Variants in ARRDC3 observed in about 807,000 individuals in gnomAD.
The protein encoded by ARRDC3 is arrestin domain-containing protein 3.
In ARRDC3, 10 loss-of-function variants were observed where a neutral mutation model predicts 47.2. That is an observed-to-expected ratio of 0.21 (90% confidence interval 0.13 to 0.36). The LOEUF (loss-of-function observed/expected upper bound fraction) is 0.36. Ranked by LOEUF, ARRDC3 falls within the 10% of genes least tolerant of loss-of-function variation. The pLI is 1.00. For synonymous variants in ARRDC3, 156 were observed against 178.3 expected, an observed-to-expected ratio of 0.87 and a Z score of 1.00; for missense variants, 381 against 503.6, an observed-to-expected ratio of 0.76 and a Z score of 2.33.
rs1295928673 is a variant in ARRDC3 at position 91,375,753 on chromosome 5, C to G, written c.511-140G>C. On this transcript the variant is annotated intron_variant, in intron 3 of 7. Transcript: ENST00000265138. ...TGCTTTTTTTTTGTATCCAGACATA[C>G]TTCTTATTTTTTAACTAACCGATGG... The G allele has an allele frequency of 2.1e-5, 10 of 472,014 alleles. 1 individual carries two copies. Among genetic ancestry groups the G allele is most frequent in the African/African-American group, 1.2e-4 (6 of 49,268 alleles). 29.2% of individuals were successfully genotyped at this position (472,014 alleles called of 1,614,324 possible).
rs887657627 is a variant in ARRDC3, at chr5:91,371,233, C to A, written c.*167G>T. 5.0e-6 allele frequency: 3 copies of A among 605,328 alleles called. No homozygotes were observed. Among genetic ancestry groups the A allele is most frequent in the Admixed American group, 6.2e-5 (2 of 32,166 alleles). 37.5% of individuals were successfully genotyped at this position (605,328 alleles called of 1,614,324 possible). ...ATGTTGGAGCAGTCTCAGAATGTTG[C>A]TGTAGGCTTCTAAAGCATGATCACT... On this transcript the variant is annotated 3_prime_UTR_variant, in exon 8 of 8. Transcript: ENST00000265138.
At chr5:91,375,793 A>G (rs201733319) in intron 3 of ARRDC3, among the ~76,000 whole-genome samples, 180 bp from the exon 4 acceptor site, 3 of 152,142 alleles carry the variant, frequency 2.0e-5, no homozygotes, top group Non-Finnish European at 4.4e-5. Context: ...GAATTATACC[A>G]TTACTTTTAT....
chr5:91,373,830 T>G lies in ARRDC3; in HGVS notation c.1042A>C (p.Ser348Arg), dbSNP rs749449320. ...TCCTCTGTTACCACTTCTGCATAGC[T>G]GGGTGGTGCTGAAGGAAAAAGATAC... ...SLPERPEAPPSYAEVVTEEQR... is the reference protein window; with the variant it reads ...SLPERPEAPPRYAEVVTEEQR... The change falls in exon 7 of 8, where the codon AGC becomes CGC. Residue 348 changes from serine to arginine, a missense_variant. Physicochemically the swap from Ser to Arg is moderately radical, Grantham distance 110. Transcript: ENST00000265138. 5.7e-5 allele frequency: 92 copies of G among 1,613,888 alleles called. No homozygotes were observed. The highest frequency in any genetic ancestry group is 7.6e-6 in the Non-Finnish European group (9 of 1,179,934).
rs1799138438 is a variant in ARRDC3 at position 91,370,243 on chromosome 5, C to A, written c.*1157G>T. 6.6e-6 allele frequency: 1 copy of A among 152,536 alleles called. No homozygotes were observed. Among genetic ancestry groups the A allele is most frequent in the African/African-American group, 2.4e-5 (1 of 41,434 alleles). The allele number at this position is 152,536 out of a possible 1,614,324, so 9.4% of individuals were successfully genotyped here. ...GTAACTCTGTATAAAAATAAATGCA[C>A]TTTTCCCTCCTTTCCCCAGTGAATG... On this transcript the variant is annotated 3_prime_UTR_variant, in exon 8 of 8. Coordinates refer to ENST00000265138, the MANE Select transcript of ARRDC3 (RefSeq NM_020801.4).
chr5:91,378,552 T>C, intron 2 of ARRDC3, 142 bp downstream of exon 2: 1 of 566,136 alleles, frequency 1.8e-6, no homozygotes, highest in South Asian at 2.5e-5. Flanking sequence ...TTATGTTTAA[T>C]ATATTGTTTT....
chr5:91,375,502 C>T lies in ARRDC3; in HGVS notation c.613+9G>A. ...AAAAGTTTTTTGTGGGAATCTACCT[C>T]TTACATACCTGGGGTATAGCCCTTC... On this transcript the variant is annotated intron_variant, in intron 4 of 7. Coordinates refer to ENST00000265138, the MANE Select transcript of ARRDC3 (RefSeq NM_020801.4). 1 of 1,586,828 alleles carries T rather than the reference C, an allele frequency of 6.3e-7. No homozygotes were observed. Among genetic ancestry groups the T allele is most frequent in the Non-Finnish European group, 8.6e-7 (1 of 1,165,358 alleles).
chr5:91,381,032 G>A (rs1582378486), intron 1 of ARRDC3: 1 of 146,754 alleles, frequency 6.8e-6, no homozygotes, highest in East Asian at 2.2e-4. Flanking sequence ...CCACCCGCCC[G>A]CGCCCAATCC....
Position 91,383,235 on chromosome 5 carries a change from T to A in ARRDC3, c.-143A>T. 1.3e-6 allele frequency: 1 copy of A among 759,784 alleles called. No homozygotes were observed. The highest frequency in any genetic ancestry group is 2.0e-6 in the Non-Finnish European group (1 of 492,810). 47.1% of individuals were successfully genotyped at this position (759,784 alleles called of 1,614,324 possible). On this transcript the variant is annotated 5_prime_UTR_variant, in exon 1 of 8. Coordinates refer to ENST00000265138, the MANE Select transcript of ARRDC3 (RefSeq NM_020801.4). Reference sequence around the variant, plus strand: ...GGATCAGTGATTCTCTACAAATAGTTCATTGAGATTTCTTAAAAAGTCAGG... The same window carrying A: ...GGATCAGTGATTCTCTACAAATAGTACATTGAGATTTCTTAAAAAGTCAGG...
chr5:91,373,919 C>T lies in ARRDC3; in HGVS notation c.1034-81G>A, dbSNP rs180767729. The T allele has an allele frequency of 1.2e-5, 18 of 1,561,160 alleles. No individual in the cohort carries two copies. In the Middle Eastern group the frequency reaches 5.2e-4, roughly 45 times the overall value. On this transcript the variant is annotated intron_variant, in intron 6 of 7. Coordinates refer to ENST00000265138, the MANE Select transcript of ARRDC3 (RefSeq NM_020801.4). ...ACACAGAATAGTAGGTATTAAAAAG[C>T]AACGTCAAGGTAAAATAATTATTGT...
In ARRDC3 at chr5:91,373,706, A is replaced by G; in HGVS notation, c.1166T>C (p.Leu389Ser). The G allele has an allele frequency of 6.2e-7, 1 of 1,613,902 alleles. No individual in the cohort carries two copies. Among genetic ancestry groups the G allele is most frequent in the Non-Finnish European group, 8.5e-7 (1 of 1,179,836 alleles). ...TACCTCTGAATAAAGAGGTGGAGGC[A>G]AGAATCGAAACTCCTGGATATATGC... ...LFAYIQEFRF[L>S]PPPLYSEIDP... is the part of the protein sequence containing the mutation. Residue 389 changes from leucine to serine, a missense_variant, in exon 7 of 8, where the codon TTG becomes TCG. By Grantham distance (145) the Leu-to-Ser change is moderately radical (BLOSUM62 -2). Coordinates refer to ENST00000265138, the MANE Select transcript of ARRDC3 (RefSeq NM_020801.4).
rs928337273 is a variant in ARRDC3 at position 91,382,849 on chromosome 5, A to G, written c.244T>C (p.Phe82Leu). 1.1e-5 allele frequency: 17 copies of G among 1,614,112 alleles called. No homozygotes were observed. The highest frequency in any genetic ancestry group is 1.4e-5 in the Non-Finnish European group (17 of 1,180,012). The change falls in exon 1 of 8, where the codon TTC (phenylalanine) becomes CTC (leucine). Residue 82 changes from phenylalanine (F) to leucine (L), a missense_variant. By Grantham distance (22) the Phe-to-Leu change is conservative. Coordinates refer to ENST00000265138, the MANE Select transcript of ARRDC3 (RefSeq NM_020801.4). ...TQNYTEEVEY[F>L]NHKDILIGHE... ...CCAATTAAGATGTCTTTATGGTTGA[A>G]ATACTCTACTTCTTCAGTGTAATTC...
Position 91,371,068 on chromosome 5 carries a change from G to C in ARRDC3, c.*332C>G, listed in dbSNP as rs952155786. Reference sequence around the variant, plus strand: ...CGTCGAACCGCACAATGTAAGCATTGAGCATGTGCAAATTTTCAAATCAAA... The same window carrying C: ...CGTCGAACCGCACAATGTAAGCATTCAGCATGTGCAAATTTTCAAATCAAA... On this transcript the variant is annotated 3_prime_UTR_variant, in exon 8 of 8. Transcript: ENST00000265138. 9.2e-6 allele frequency: 2 copies of C among 217,354 alleles called. No individual in the cohort carries two copies. The highest frequency in any genetic ancestry group is 4.8e-5 in the African/African-American group (2 of 41,560). 13.5% of individuals were successfully genotyped at this position (217,354 alleles called of 1,614,324 possible).
chr5:91,375,674 A>C, intron 3 of ARRDC3, 61 bp from the exon 4 acceptor site: 1 of 1,067,074 alleles, frequency 9.4e-7, no homozygotes, highest in Non-Finnish European at 1.3e-6. Flanking sequence ...CAATACCAGA[A>C]TATTTTAAAA....
At chr5:91,372,047 ACTG>A (rs1262680621) in intron 7 of ARRDC3, among the ~76,000 whole-genome samples, 1 of 152,226 alleles carries the variant, frequency 6.6e-6, no homozygotes, top group Admixed American at 6.5e-5. Flanking sequence ...AGGAAATAAA[ACTG>A]CTGAACCCAA....
rs1176662859 is a variant in ARRDC3 at position 91,373,665 on chromosome 5, T to A, written c.1188+19A>T. The A allele has an allele frequency of 6.3e-7, 1 of 1,591,526 alleles. No individual in the cohort carries two copies. The highest frequency in any genetic ancestry group is 8.6e-7 in the Non-Finnish European group (1 of 1,163,902). ...CCAAGATAGCCAGTTCATTTCATAC[T>A]TAAGGAGTAGGTACTTACCTCTGAA... On this transcript the variant is annotated intron_variant, in intron 7 of 7. Transcript: ENST00000265138.
chr5:91,375,579 CAG>C lies in ARRDC3; in HGVS notation c.543_544del (p.Cys182LeufsTer16). ...TGGGCCTGAGGTACAGAACCAGCAA[CAG>C]AGTGTCTTTTCTTTTGTGCCTGCTT... On this transcript the variant is annotated frameshift_variant, in exon 4 of 8. Coordinates refer to ENST00000265138, the MANE Select transcript of ARRDC3 (RefSeq NM_020801.4). LOFTEE classifies it high-confidence loss of function. 1 of 1,610,398 alleles carries C rather than the reference CAG, an allele frequency of 6.2e-7. No homozygotes were observed. The highest frequency in any genetic ancestry group is 8.5e-7 in the Non-Finnish European group (1 of 1,177,920).
Position 91,383,120 on chromosome 5 carries a change from A to C in ARRDC3, c.-28T>G. On this transcript the variant is annotated 5_prime_UTR_variant, in exon 1 of 8. Transcript: ENST00000265138. ...TTATAACAAAATCTATAAAAATATA[A>C]TGTAAGACAAAAAAGTCAAGATCGC... 1 of 1,548,802 alleles carries C rather than the reference A, an allele frequency of 6.5e-7. No individual in the cohort carries two copies.
At chr5:91,377,352 T>C (rs879636343) in intron 2 of ARRDC3, among the ~76,000 whole-genome samples, 3 of 152,176 alleles carry the variant, frequency 2.0e-5, no homozygotes, top group Admixed American at 6.5e-5. Flanking sequence ...GGCTGTTCTC[T>C]AACTTTACGG....
chr5:91,369,844 G>A lies in ARRDC3; in HGVS notation c.*1556C>T, dbSNP rs994770197. 3.9e-5 allele frequency: 6 copies of A among 152,098 alleles called. No individual in the cohort carries two copies. The highest frequency in any genetic ancestry group is 7.4e-5 in the Non-Finnish European group (5 of 68,016). 9.4% of individuals were successfully genotyped at this position (152,098 alleles called of 1,614,324 possible). A position where few individuals can be genotyped will look rare whatever the true frequency, so the allele number is the denominator to read the frequency against. ...TCATGAATGCTGGTATATTTGTTAT[G>A]AGCCAACAGAAAATTACCTTTAATA... On this transcript the variant is annotated 3_prime_UTR_variant, in exon 8 of 8. Transcript: ENST00000265138.
Sources: allele counts gnomAD v4.1 joint callset (sites outside exome capture counted in the v4.1 genomes callset), GRCh38; gene constraint gnomAD v4.1.1; transcripts MANE v1.5; gene names NCBI Gene and HGNC (gene_info 2026-07-23, HGNC 2026-07-21).